Variants in NMNAT2 observed in about 807,000 individuals in gnomAD.
NMNAT2 encodes nicotinamide nucleotide adenylyltransferase 2.
In NMNAT2, 11 loss-of-function variants were observed where a neutral mutation model predicts 41.6. The observed-to-expected ratio is 0.26, with a 90% CI of 0.17 to 0.44. The LOEUF is 0.44. NMNAT2 is among the 20% of genes least tolerant of loss of function. NMNAT2 has a pLI of 1.00. For missense variants in NMNAT2, 288 were observed against 407.7 expected (o/e 0.71, Z 2.53); for synonymous variants, 148 against 151.2 (o/e 0.98, Z 0.16).
chr1:183,280,480 C>CCT (rs1390779180), intron 7 of NMNAT2, among the ~76,000 whole-genome samples: 2 of 151,922 alleles, frequency 1.3e-5, no homozygotes, highest in African/African-American at 4.8e-5. Context: ...CTCCGCCTTT[C>CCT]AGGTTCAAGC....
At chr1:183,304,778 G>C (rs777240114) in intron 1 of NMNAT2, 1 of 1,613,230 alleles carries the variant, frequency 6.2e-7, no homozygotes, top group South Asian at 1.1e-5. Context: ...TTGCAGCCCT[G>C]TGCTGGCCAT....
chr1:183,313,678 G>A (rs777689026), intron 1 of NMNAT2, among the ~76,000 whole-genome samples: 1 of 152,146 alleles, frequency 6.6e-6, no homozygotes, highest in Admixed American at 6.5e-5. Flanking sequence ...TAGAGATGGG[G>A]TTTCACCATG....
chr1:183,268,922 C>T (rs764340439), intron 8 of NMNAT2, among the ~76,000 whole-genome samples: 4 of 152,024 alleles, frequency 2.6e-5, no homozygotes, highest in Non-Finnish European at 5.9e-5. Context: ...TGTGTTGGCA[C>T]GTGCCTGAGT....
chr1:183,276,117 A>G (rs981145589), intron 8 of NMNAT2, among the ~76,000 whole-genome samples: 1 of 152,190 alleles, frequency 6.6e-6, no homozygotes, highest in East Asian at 1.9e-4. Flanking sequence ...TGGAAATGGG[A>G]TAGGAGAATC....
intron 6 of NMNAT2, 89 bp downstream of exon 6, chr1:183,284,621 G>A (rs1043535122): frequency 1.6e-5 from 18 of 1,091,496 alleles, no homozygotes; most frequent in Non-Finnish European, 2.4e-5. Flanking sequence ...GCGGTGGGGG[G>A]AATGTGCTTG....
At chr1:183,360,840 T>C (rs1473365372) in intron 1 of NMNAT2, among the ~76,000 whole-genome samples, 4 of 152,250 alleles carry the variant, frequency 2.6e-5, no homozygotes, top group Non-Finnish European at 4.4e-5. Flanking sequence ...AGTGTTCTTT[T>C]ATTGGTGGAA....
intron 7 of NMNAT2, chr1:183,282,921 CTT>C (rs1661306196): frequency 6.6e-6 from 1 of 152,140 alleles, no homozygotes; most frequent in Non-Finnish European, 1.5e-5. Flanking sequence ...GTTAATATAA[CTT>C]AATTTTTAGT....
At chr1:183,274,021 C>A (rs1282198445) in intron 8 of NMNAT2, among the ~76,000 whole-genome samples, 2 of 151,300 alleles carry the variant, frequency 1.3e-5, no homozygotes, top group African/African-American at 4.9e-5. Context: ...CATGCAATTC[C>A]CCTGCCTCAG....
chr1:183,317,783 C>T (rs971749956), intron 1 of NMNAT2, among the ~76,000 whole-genome samples: 2 of 152,168 alleles, frequency 1.3e-5, no homozygotes, highest in Non-Finnish European at 2.9e-5. Flanking sequence ...AGTCTATTAA[C>T]CCCAGGGCTT....
intron 1 of NMNAT2, among the ~76,000 whole-genome samples, chr1:183,339,292 T>C: frequency 6.6e-6 from 1 of 152,000 alleles, no homozygotes; most frequent in South Asian, 2.1e-4. Flanking sequence ...AGAGACGGGG[T>C]TTCACTGTGT....
intron 1 of NMNAT2, among the ~76,000 whole-genome samples, chr1:183,402,588 AT>A (rs750112780): frequency 2.6e-5 from 4 of 152,156 alleles, no homozygotes; most frequent in Non-Finnish European, 5.9e-5. Context: ...GACCCATTTG[AT>A]TATTTTTTGT....
intron 1 of NMNAT2, among the ~76,000 whole-genome samples, chr1:183,374,300 C>A (rs1230434600): frequency 6.6e-6 from 1 of 152,064 alleles, no homozygotes. Flanking sequence ...GCTTGCACCC[C>A]CCTGGCTCTG....
chr1:183,278,960 G>T (rs1661194555), intron 7 of NMNAT2, among the ~76,000 whole-genome samples: 1 of 152,202 alleles, frequency 6.6e-6, no homozygotes, highest in Admixed American at 6.5e-5. Flanking sequence ...TGTAACTGTG[G>T]CTGAGCCAGC....
intron 1 of NMNAT2, among the ~76,000 whole-genome samples, chr1:183,399,036 G>T (rs528694503): frequency 6.6e-6 from 1 of 152,244 alleles, no homozygotes; most frequent in East Asian, 1.9e-4. Context: ...TCAAAAGCTA[G>T]CAGAAGGCAA....
intron 1 of NMNAT2, among the ~76,000 whole-genome samples, chr1:183,404,839 G>T (rs1648910650): frequency 6.6e-6 from 1 of 152,160 alleles, no homozygotes; most frequent in Non-Finnish European, 1.5e-5. Context: ...AACCCAAATG[G>T]TCAAGCAAAC....
chr1:183,283,640 G>A, intron 7 of NMNAT2: 1 of 349,140 alleles, frequency 2.9e-6, no homozygotes, highest in Non-Finnish European at 5.6e-6. Context: ...AGGAAGGCCG[G>A]GGTGCTCTTC....
chr1:183,352,367 C>A (rs1663079299), intron 1 of NMNAT2, among the ~76,000 whole-genome samples: 1 of 151,884 alleles, frequency 6.6e-6, no homozygotes, highest in African/African-American at 2.4e-5. Flanking sequence ...AGTTCGAGAC[C>A]AGCCTGGCCA....
intron 1 of NMNAT2, among the ~76,000 whole-genome samples, chr1:183,313,678 G>T (rs777689026): frequency 1.3e-5 from 2 of 152,146 alleles, no homozygotes; most frequent in South Asian, 2.1e-4. Flanking sequence ...TAGAGATGGG[G>T]TTTCACCATG....
chr1:183,390,149 G>A (rs1244357912), intron 1 of NMNAT2, among the ~76,000 whole-genome samples: 1 of 152,078 alleles, frequency 6.6e-6, no homozygotes, highest in East Asian at 1.9e-4. Context: ...TTTTCTCTGT[G>A]TGTTTACAAA....
Sources: gnomAD v4.1 joint callset for allele counts (sites outside exome capture counted in the v4.1 genomes callset) on GRCh38, gnomAD v4.1.1 for gene constraint, MANE v1.5 for transcripts, NCBI Gene and HGNC (gene_info 2026-07-23, HGNC 2026-07-21) for gene names.